Variants in NRP1 observed in about 807,000 individuals in gnomAD.
NRP1 encodes neuropilin-1.
NRP1 carries 35 observed loss-of-function variants against 106.7 expected under a neutral mutation model. The ratio of observed to expected loss-of-function variants is 0.33; its 90% CI spans 0.25 to 0.43. The LOEUF is 0.43. Among genes scored for constraint, NRP1 ranks in the 20% least tolerant of loss-of-function variants. NRP1 has a pLI of 1.00. For synonymous variants in NRP1, 437 were observed against 417.9 expected (o/e 1.05, Z -0.56); for missense variants, 1,024 against 1,170.4 (o/e 0.87, Z 1.83).
chr10:33,281,377 G>C (rs373529953), intron 2 of NRP1, among the ~76,000 whole-genome samples: 114 of 40,632 alleles, frequency 2.8e-3, no homozygotes, highest in African/African-American at 5.5e-3. Context: ...TAAGTGAACT[G>C]ACTTTTTTTT....
intron 2 of NRP1, among the ~76,000 whole-genome samples, chr10:33,291,923 A>G (rs1845023827): frequency 6.6e-6 from 1 of 152,110 alleles, no homozygotes; most frequent in African/African-American, 2.4e-5. Context: ...TTGTTTTTTG[A>G]GGCAGGGCCT....
intron 6 of NRP1, among the ~76,000 whole-genome samples, chr10:33,245,578 T>A (rs1432939494): frequency 1.3e-5 from 2 of 152,212 alleles, no homozygotes; most frequent in African/African-American, 4.8e-5. Flanking sequence ...GCTTGCTTGG[T>A]CTTCAGGACA....
chr10:33,199,365 T>TTATATATATA (rs57582967), intron 11 of NRP1, among the ~76,000 whole-genome samples: 683 of 64,216 alleles, frequency 0.011, 33 homozygotes, highest in Middle Eastern at 0.028. Context: ...CCTGGCTGTT[T>TTATATATATA]TCTATATATA....
At chr10:33,309,629 C>CA (rs1190243021) in intron 2 of NRP1, among the ~76,000 whole-genome samples, 2 of 152,344 alleles carry the variant, frequency 1.3e-5, no homozygotes, top group East Asian at 3.9e-4. Context: ...ATGCTCACAT[C>CA]AGCAGCTTTC....
intron 1 of NRP1, 55 bp downstream of exon 1, chr10:33,334,255 C>A (rs544202469): frequency 6.7e-7 from 1 of 1,487,328 alleles, no homozygotes; most frequent in Non-Finnish European, 9.1e-7. Flanking sequence ...CGGTCCGGGG[C>A]GGGCAGCTGG....
At chr10:33,222,583 C>A (rs557755076) in intron 7 of NRP1, among the ~76,000 whole-genome samples, 1 of 151,774 alleles carries the variant, frequency 6.6e-6, no homozygotes. Flanking sequence ...TGCAGTGATG[C>A]GATCTCGGCT....
intron 2 of NRP1, among the ~76,000 whole-genome samples, chr10:33,315,176 A>G (rs941353447): frequency 6.6e-6 from 1 of 152,184 alleles, no homozygotes; most frequent in African/African-American, 2.4e-5. Context: ...AGAAAGAAAA[A>G]CTTTCAGCCA....
intron 2 of NRP1, among the ~76,000 whole-genome samples, chr10:33,323,735 C>G (rs1404654659): frequency 6.6e-6 from 1 of 152,128 alleles, no homozygotes; most frequent in East Asian, 1.9e-4. Flanking sequence ...GTTCTTTAGG[C>G]TTAATGATCA....
At chr10:33,330,995 TA>T in intron 1 of NRP1, 113 bp from the exon 2 acceptor site, 1 of 895,022 alleles carries the variant, frequency 1.1e-6, no homozygotes, top group Non-Finnish European at 1.7e-6. Context: ...AGGGGAACTC[TA>T]AAAGGTCCCC....
Position 33,203,986 on chromosome 10 carries a change from C to T in NRP1, c.1760-991G>A, listed in dbSNP as rs181798888. 1.7e-3 allele frequency among the ~76,000 whole-genome samples: 146 copies of T among 85,888 alleles called. 50 individuals are homozygous for T. The East Asian group carries it at 0.15, about 89-fold the overall frequency. 56.3% of individuals were successfully genotyped at this position (85,888 alleles called of 152,430 possible). A position where few individuals can be genotyped will look rare whatever the true frequency, so the allele number is the denominator to read the frequency against. On this transcript the variant is annotated intron_variant, in intron 10 of 16. Transcript: ENST00000374867. ...CGATCTCCTGACCTCATGATCCACCCGCCTCGGCCTCCCAACAAAGACTGC... is the reference window on the plus strand; with the variant it reads ...CGATCTCCTGACCTCATGATCCACCTGCCTCGGCCTCCCAACAAAGACTGC...
At chr10:33,189,074 T>C (rs1836231309) in intron 13 of NRP1, among the ~76,000 whole-genome samples, 1 of 151,492 alleles carries the variant, frequency 6.6e-6, no homozygotes, top group Non-Finnish European at 1.5e-5. Flanking sequence ...CCCCATCCTG[T>C]TTTCCTCCTG....
intron 4 of NRP1, among the ~76,000 whole-genome samples, chr10:33,263,034 G>T (rs1842679296): frequency 6.6e-6 from 1 of 152,166 alleles, no homozygotes; most frequent in Non-Finnish European, 1.5e-5. Context: ...GAATGCATAG[G>T]TCAATGACTA....
intron 2 of NRP1, among the ~76,000 whole-genome samples, chr10:33,287,601 T>C (rs1483888710): frequency 3.3e-5 from 5 of 152,202 alleles, no homozygotes; most frequent in Non-Finnish European, 7.3e-5. Flanking sequence ...ACTGCAGCTA[T>C]ATCCCCATCA....
intron 2 of NRP1, among the ~76,000 whole-genome samples, chr10:33,284,134 G>A (rs571892629): frequency 1.3e-5 from 2 of 152,350 alleles, no homozygotes; most frequent in East Asian, 3.9e-4. Flanking sequence ...AGTCTCAGCT[G>A]TGACAACAAG....
At chr10:33,270,607 G>T in intron 3 of NRP1, 68 bp downstream of exon 3, 1 of 1,390,028 alleles carries the variant, frequency 7.2e-7, no homozygotes, top group Non-Finnish European at 9.7e-7. Flanking sequence ...GATTACAGGG[G>T]TGAGCCACCA....
chr10:33,285,545 C>G (rs1344296843), intron 2 of NRP1, among the ~76,000 whole-genome samples: 1 of 152,100 alleles, frequency 6.6e-6, no homozygotes, highest in African/African-American at 2.4e-5. Context: ...GCTCAAAACC[C>G]TACAGGAAGG....
At chr10:33,238,899 G>T (rs1194104711) in intron 6 of NRP1, among the ~76,000 whole-genome samples, 1 of 133,866 alleles carries the variant, frequency 7.5e-6, no homozygotes, top group Non-Finnish European at 1.6e-5. Context: ...ATTGGAGTGG[G>T]TGCCTCTGTG....
chr10:33,183,317 AAAC>A (rs1235788693), intron 15 of NRP1, among the ~76,000 whole-genome samples: 3 of 151,998 alleles, frequency 2.0e-5, no homozygotes, highest in African/African-American at 7.2e-5. Context: ...AAAAAAGCAA[AAAC>A]AACAACAACA....
intron 6 of NRP1, among the ~76,000 whole-genome samples, chr10:33,235,951 T>G (rs1372012674): frequency 6.6e-6 from 1 of 152,234 alleles, no homozygotes; most frequent in Admixed American, 6.5e-5. Context: ...TTGGAAACCT[T>G]TAACAGCTTG....
Sources: allele counts gnomAD v4.1 joint callset (sites outside exome capture counted in the v4.1 genomes callset), GRCh38; gene constraint gnomAD v4.1.1; transcripts MANE v1.5; gene names NCBI Gene and HGNC (gene_info 2026-07-23, HGNC 2026-07-21).